SCHIP1: variants seen among roughly 807,000 people sequenced by gnomAD.
SCHIP1 encodes the protein schwannomin interacting protein 1.
In SCHIP1, 8 loss-of-function variants were observed where a neutral mutation model predicts 29.7. The observed-to-expected ratio is 0.27, with a 90% CI of 0.16 to 0.49. The LOEUF (loss-of-function observed/expected upper bound fraction) is 0.49. Ranked by LOEUF, SCHIP1 falls within the 20% of genes least tolerant of loss-of-function variation. The pLI, the probability that SCHIP1 is intolerant of heterozygous loss-of-function variation, is 0.99. For synonymous variants in SCHIP1, 76 were observed against 94.9 expected (o/e 0.80, Z 1.16); for missense variants, 193 against 294.6 (o/e 0.66, Z 2.52).
chr3:159,355,069 C>T, the SCHIP1 span, among the ~76,000 whole-genome samples: 18 of 152,252 alleles, frequency 1.2e-4, no homozygotes, highest in African/African-American at 4.3e-4. Context: ...CACTGCTGTA[C>T]TCAGCTTATA....
chr3:159,683,489 G>A, the SCHIP1 span, among the ~76,000 whole-genome samples: 24 of 151,586 alleles, frequency 1.6e-4, no homozygotes, highest in Admixed American at 6.6e-4. Context: ...TAGATTTTTC[G>A]TGCCATTCTT....
the SCHIP1 span, among the ~76,000 whole-genome samples, chr3:159,770,600 T>C: frequency 6.6e-6 from 1 of 152,210 alleles, no homozygotes; most frequent in Non-Finnish European, 1.5e-5. Context: ...TAACTAGAAA[T>C]AAGAACGGCT....
chr3:159,703,677 G>A, the SCHIP1 span, among the ~76,000 whole-genome samples: 1 of 152,168 alleles, frequency 6.6e-6, no homozygotes, highest in African/African-American at 2.4e-5. Context: ...GCAAGCATGT[G>A]GATGGCTTCC....
intron 1 of SCHIP1, among the ~76,000 whole-genome samples, chr3:159,841,954 A>G (rs1024872103): frequency 6.6e-6 from 1 of 152,208 alleles, no homozygotes; most frequent in African/African-American, 2.4e-5. Context: ...TAGCTCAGCA[A>G]AAACAGAAAC....
the SCHIP1 span, among the ~76,000 whole-genome samples, chr3:159,626,144 C>CTATA: frequency 4.0e-5 from 3 of 75,860 alleles, no homozygotes; most frequent in African/African-American, 2.6e-4. Flanking sequence ...ATAGATATAT[C>CTATA]TAGATATATA....
At chr3:159,857,934 C>G (rs749494769) in intron 1 of SCHIP1, among the ~76,000 whole-genome samples, 6 of 152,178 alleles carry the variant, frequency 3.9e-5, no homozygotes, top group African/African-American at 7.2e-5. Flanking sequence ...CTTCTTGACT[C>G]CAAATACTCC....
chr3:159,434,139 A>G, the SCHIP1 span, among the ~76,000 whole-genome samples: 1 of 152,240 alleles, frequency 6.6e-6, no homozygotes, highest in Non-Finnish European at 1.5e-5. Flanking sequence ...GTGATTAATT[A>G]AAATTAATCA....
chr3:159,707,509 TGACA>T, the SCHIP1 span, among the ~76,000 whole-genome samples: 81 of 152,220 alleles, frequency 5.3e-4, no homozygotes, highest in African/African-American at 1.9e-3. Flanking sequence ...GGACATGAAA[TGACA>T]ATGACAAGTT....
At chr3:159,402,442 A>T in the SCHIP1 span, among the ~76,000 whole-genome samples, 3 of 152,208 alleles carry the variant, frequency 2.0e-5, no homozygotes, top group Non-Finnish European at 4.4e-5. Context: ...TATATACCCG[A>T]AGGATTATAA....
chr3:159,683,002 A>G, the SCHIP1 span, among the ~76,000 whole-genome samples: 1 of 152,210 alleles, frequency 6.6e-6, no homozygotes, highest in Non-Finnish European at 1.5e-5. Context: ...AAAAATTCAG[A>G]TTCCTAAGCC....
chr3:159,766,344 C>T, the SCHIP1 span, among the ~76,000 whole-genome samples: 2 of 152,192 alleles, frequency 1.3e-5, no homozygotes, highest in African/African-American at 4.8e-5. Flanking sequence ...CCTTGGCTGA[C>T]AGAGCCTGCT....
At chr3:159,426,026 G>A in the SCHIP1 span, among the ~76,000 whole-genome samples, 1 of 152,010 alleles carries the variant, frequency 6.6e-6, no homozygotes, top group African/African-American at 2.4e-5. Flanking sequence ...CAGAATCTCT[G>A]GGACACATTC....
At chr3:159,423,239 T>A in the SCHIP1 span, among the ~76,000 whole-genome samples, 1 of 152,056 alleles carries the variant, frequency 6.6e-6, no homozygotes, top group African/African-American at 2.4e-5. Flanking sequence ...ATGCGCAAGG[T>A]GAAGCAGGGC....
At chr3:159,702,002 A>T in the SCHIP1 span, among the ~76,000 whole-genome samples, 1,618 of 151,702 alleles carry the variant, frequency 0.011, 27 homozygotes, top group African/African-American at 0.036. Flanking sequence ...TACCTACCCC[A>T]ATACAAATCT....
the SCHIP1 span, among the ~76,000 whole-genome samples, chr3:159,775,624 C>T: frequency 1.3e-5 from 2 of 152,192 alleles, no homozygotes; most frequent in African/African-American, 4.8e-5. Context: ...GGACCCCCTG[C>T]CAGGCCCACT....
At chr3:159,465,988 A>C in the SCHIP1 span, among the ~76,000 whole-genome samples, 1 of 152,150 alleles carries the variant, frequency 6.6e-6, no homozygotes, top group Non-Finnish European at 1.5e-5. Flanking sequence ...CTACACATTT[A>C]TGTCATGGGC....
the SCHIP1 span, among the ~76,000 whole-genome samples, chr3:159,393,042 T>C: frequency 6.6e-6 from 1 of 152,242 alleles, no homozygotes; most frequent in Non-Finnish European, 1.5e-5. Flanking sequence ...GTGGTTTTGG[T>C]TTGCATTTCT....
the SCHIP1 span, among the ~76,000 whole-genome samples, chr3:159,597,209 A>G: frequency 6.6e-6 from 1 of 152,112 alleles, no homozygotes; most frequent in South Asian, 2.1e-4. Context: ...ACTATAAACT[A>G]ATTATATAGA....
the SCHIP1 span, among the ~76,000 whole-genome samples, chr3:159,525,205 C>T: frequency 2.0e-5 from 3 of 152,186 alleles, no homozygotes; most frequent in African/African-American, 7.2e-5. Flanking sequence ...CCAGTTGTTC[C>T]AATGCCATTT....
Sources: gnomAD v4.1 joint callset for allele counts (sites outside exome capture counted in the v4.1 genomes callset) on GRCh38, gnomAD v4.1.1 for gene constraint, MANE v1.5 for transcripts, NCBI Gene and HGNC (gene_info 2026-07-23, HGNC 2026-07-21) for gene names.